BCAS3: variants seen among roughly 807,000 people sequenced by gnomAD.
BCAS3 encodes BCAS3 microtubule associated cell migration factor.
In BCAS3, 53 loss-of-function variants were observed where a neutral mutation model predicts 116.1. The ratio of observed to expected loss-of-function variants is 0.46; its 90% CI spans 0.37 to 0.57. The LOEUF (loss-of-function observed/expected upper bound fraction) is 0.57, where lower values mean the gene tolerates loss of function less well. Ranked by LOEUF, BCAS3 falls within the 20% of genes least tolerant of loss-of-function variation. BCAS3 has a pLI of 0.00. For missense variants in BCAS3, 917 were observed against 1,165.4 expected (o/e 0.79, Z 3.10); for synonymous variants, 391 against 408.2 (o/e 0.96, Z 0.51).
intron 22 of BCAS3, among the ~76,000 whole-genome samples, chr17:61,262,568 G>A (rs1446847770): frequency 6.6e-6 from 1 of 152,050 alleles, no homozygotes; most frequent in Admixed American, 6.6e-5. Context: ...GTTAGTAGAG[G>A]TGAGGTTTCG....
At chr17:61,254,012 C>T (rs1379479719) in intron 22 of BCAS3, among the ~76,000 whole-genome samples, 1 of 151,962 alleles carries the variant, frequency 6.6e-6, no homozygotes, top group Non-Finnish European at 1.5e-5. Flanking sequence ...ATCTAAAATT[C>T]CTTTAGCCTT....
chr17:60,833,148 C>T (rs1041684994), intron 7 of BCAS3, among the ~76,000 whole-genome samples: 5 of 152,044 alleles, frequency 3.3e-5, no homozygotes, highest in African/African-American at 7.2e-5. Flanking sequence ...ATTACAGGTG[C>T]GAGCCACTGT....
intron 14 of BCAS3, among the ~76,000 whole-genome samples, chr17:60,968,603 G>C (rs981702136): frequency 6.6e-6 from 1 of 152,042 alleles, no homozygotes; most frequent in Non-Finnish European, 1.5e-5. Flanking sequence ...TAAAGCCCAG[G>C]TTCACCTTGG....
In BCAS3 at chr17:61,183,267, A is replaced by G. The variant is rs1709880761; in HGVS notation, c.2425+98703A>G. Among the ~76,000 whole-genome samples the G allele has an allele frequency of 2.0e-5, 3 of 152,104 alleles. No individual in the cohort carries two copies. In the South Asian group the frequency reaches 6.2e-4, roughly 32 times the overall value. On this transcript the variant is annotated intron_variant, in intron 22 of 23. Transcript: ENST00000407086. ...CAGTTACCAAATTGTCCACTCTGGG[A>G]AAATTCGATGTGAAGAGCTCATAAG...
At chr17:60,981,028 T>C (rs779126355) in intron 14 of BCAS3, among the ~76,000 whole-genome samples, 1 of 151,762 alleles carries the variant, frequency 6.6e-6, no homozygotes, top group African/African-American at 2.4e-5. Context: ...TAGAGACAGG[T>C]CCTTGCTATG....
At position 61,326,067 on chromosome 17, in the gene BCAS3, G is replaced by A. The variant is rs949000993; in HGVS notation, c.2426-42260G>A. The stretch of plus-strand genomic sequence containing the variant: ...GTGTGCTATTAAATGCGCACTGCCC[G>A]GACACAGTGGAGCTTGTGAAGTTTG... On this transcript the variant is annotated intron_variant, in intron 22 of 23. Coordinates refer to ENST00000407086, the MANE Select transcript of BCAS3 (RefSeq NM_017679.5). The surrounding 1 kb of genome is among the most constrained non-coding windows in gnomAD (Gnocchi z 5.3). 2.0e-5 allele frequency among the ~76,000 whole-genome samples: 3 copies of A among 152,142 alleles called. No individual in the cohort carries two copies. The highest frequency in any genetic ancestry group is 6.5e-5 in the Admixed American group (1 of 15,276).
At chr17:60,720,671 C>T (rs756017792) in intron 5 of BCAS3, among the ~76,000 whole-genome samples, 7 of 152,118 alleles carry the variant, frequency 4.6e-5, no homozygotes, top group Non-Finnish European at 2.9e-5. Flanking sequence ...TAGCTATTTA[C>T]ATAGCACATT....
chr17:61,069,019 A>G (rs1218714839), intron 19 of BCAS3, among the ~76,000 whole-genome samples: 1 of 152,198 alleles, frequency 6.6e-6, no homozygotes, highest in African/African-American at 2.4e-5. Flanking sequence ...AGCAAAAGAG[A>G]GGATAATTCT....
rs1408150938 is a variant in BCAS3 at position 60,902,709 on chromosome 17, T to G, written c.822+6T>G. ...CAGTCATTAGTGCTGCTAAAGTGAG[T>G]ACCTCCGAAATCTTGGAGAGTTGTG... On this transcript the variant is annotated splice_donor_region_variant and intron_variant, in intron 11 of 23. Transcript: ENST00000407086. 6.3e-7 allele frequency: 1 copy of G among 1,591,006 alleles called. No individual in the cohort carries two copies. Among genetic ancestry groups the G allele is most frequent in the East Asian group, 2.2e-5 (1 of 44,744 alleles).
rs1429796146 is a variant in BCAS3, at chr17:61,380,412, T to A, written c.2594-11565T>A. On this transcript the variant is annotated intron_variant, in intron 23 of 23. Coordinates refer to ENST00000407086, the MANE Select transcript of BCAS3 (RefSeq NM_017679.5). The surrounding 1 kb of genome is among the most constrained non-coding windows in gnomAD (Gnocchi z 4.2). ...AAAGCTCTCAGTGGTCAAACCAGATTTGGGTATCGACTCACTTTGATCTCA... is the reference window on the plus strand; with the variant it reads ...AAAGCTCTCAGTGGTCAAACCAGATATGGGTATCGACTCACTTTGATCTCA... The A allele has an allele frequency of 1.7e-6, 2 of 1,192,948 alleles. No individual in the cohort carries two copies. The highest frequency in any genetic ancestry group is 3.0e-5 in the African/African-American group (2 of 66,222). 73.9% of individuals were successfully genotyped at this position (1,192,948 alleles called of 1,614,324 possible). A position where few individuals can be genotyped will look rare whatever the true frequency, so the allele number is the denominator to read the frequency against.
intron 22 of BCAS3, among the ~76,000 whole-genome samples, chr17:61,295,256 G>A (rs1169285337): frequency 6.6e-6 from 1 of 152,190 alleles, no homozygotes; most frequent in African/African-American, 2.4e-5. Context: ...AGGGAGCCTG[G>A]GCAGCAACGC....
Position 61,309,642 on chromosome 17 carries a change from G to A in BCAS3, c.2426-58685G>A, listed in dbSNP as rs8067732. Among the ~76,000 whole-genome samples the A allele has an allele frequency of 3.3e-5, 5 of 151,942 alleles. No homozygotes were observed. Among genetic ancestry groups the A allele is most frequent in the South Asian group, 2.1e-4 (1 of 4,828 alleles). ...CCTCCTTTCCTGAAGCGTGTTCTCC[G>A]TCCCAAGGAAAACACACACATCCAG... On this transcript the variant is annotated intron_variant, in intron 22 of 23. Coordinates refer to ENST00000407086, the MANE Select transcript of BCAS3 (RefSeq NM_017679.5). The surrounding 1 kb of genome is among the most constrained non-coding windows in gnomAD (Gnocchi z 4.6).
intron 6 of BCAS3, among the ~76,000 whole-genome samples, chr17:60,780,301 T>C (rs1265460380): frequency 6.6e-6 from 1 of 151,494 alleles, no homozygotes; most frequent in Non-Finnish European, 1.5e-5. Context: ...TTTTTTTTTT[T>C]TTTTTAATTT....
At chr17:61,310,215 C>T (rs1447531600) in intron 22 of BCAS3, among the ~76,000 whole-genome samples, 1 of 152,116 alleles carries the variant, frequency 6.6e-6, no homozygotes, top group Non-Finnish European at 1.5e-5. Context: ...ATCTCTGGCC[C>T]ACTAACCCCA....
intron 22 of BCAS3, among the ~76,000 whole-genome samples, chr17:61,221,640 G>A (rs950601700): frequency 9.9e-5 from 15 of 152,168 alleles, no homozygotes; most frequent in Non-Finnish European, 1.5e-4. Flanking sequence ...TCCTAAAGCT[G>A]CTGTTGCTGT....
rs113946146 is a variant in BCAS3 at position 61,391,974 on chromosome 17, C to T, written c.2594-3C>T. On this transcript the variant is annotated splice_polypyrimidine_tract_variant and splice_region_variant and intron_variant, in intron 23 of 23. Coordinates refer to ENST00000407086, the MANE Select transcript of BCAS3 (RefSeq NM_017679.5). This position sits in a 1 kb window ranked among gnomAD's most constrained non-coding sequence, Gnocchi z 7.7. ...AGGCCTGGCCCTCTCCTGTGTCTTG[C>T]AGAACTTCAGCGAGAGGGAAGCATC... 1.2e-6 allele frequency: 2 copies of T among 1,613,182 alleles called. No individual in the cohort carries two copies. The highest frequency in any genetic ancestry group is 1.7e-5 in the Admixed American group (1 of 60,004).
intron 19 of BCAS3, among the ~76,000 whole-genome samples, chr17:61,062,879 G>A (rs571214723): frequency 2.0e-4 from 31 of 152,200 alleles, no homozygotes; most frequent in African/African-American, 7.2e-4. Flanking sequence ...GCCAAATGAG[G>A]ACTGTGAGGT....
Position 61,361,202 on chromosome 17 carries a change from A to G in BCAS3, c.2426-7125A>G, listed in dbSNP as rs2058435931. Among the ~76,000 whole-genome samples the G allele has an allele frequency of 6.7e-6, 1 of 149,716 alleles. No individual in the cohort carries two copies. Among genetic ancestry groups the G allele is most frequent in the African/African-American group, 2.6e-5 (1 of 39,140 alleles). On this transcript the variant is annotated intron_variant, in intron 22 of 23. Coordinates refer to ENST00000407086, the MANE Select transcript of BCAS3 (RefSeq NM_017679.5). This position sits in a 1 kb window ranked among gnomAD's most constrained non-coding sequence, Gnocchi z 6.5. ...GAGAGAGAAAAAGAATTAAAAAAAAAAAAAGAAAAGACCCAGACGGAGTAG... is the reference window on the plus strand; with the variant it reads ...GAGAGAGAAAAAGAATTAAAAAAAAGAAAAGAAAAGACCCAGACGGAGTAG...
intron 22 of BCAS3, among the ~76,000 whole-genome samples, chr17:61,096,399 A>G (rs186752506): frequency 6.6e-6 from 1 of 152,070 alleles, no homozygotes; most frequent in Non-Finnish European, 1.5e-5. Context: ...AAAAAAAAAA[A>G]TTTTTAAATT....
Sources: allele counts gnomAD v4.1 joint callset (sites outside exome capture counted in the v4.1 genomes callset), GRCh38; gene constraint gnomAD v4.1.1; non-coding constraint Gnocchi (gnomAD v3.1); transcripts MANE v1.5; gene names NCBI Gene and HGNC (gene_info 2026-07-23, HGNC 2026-07-21).